The following DPY19L1 variants were observed in gnomAD, a reference collection of about 807,000 sequenced individuals.
The protein encoded by DPY19L1 is protein C-mannosyl-transferase DPY19L1.
A neutral mutation model predicts 96.9 loss-of-function variants in DPY19L1; 35 were observed. The observed-to-expected ratio is 0.36, with a 90% CI of 0.28 to 0.48. The LOEUF (loss-of-function observed/expected upper bound fraction) is 0.48, where lower values mean the gene tolerates loss of function less well. Among genes scored for constraint, DPY19L1 ranks in the 20% least tolerant of loss-of-function variants. DPY19L1 has a pLI of 0.99. For missense variants in DPY19L1, 521 were observed against 777.9 expected, an observed-to-expected ratio of 0.67 and a Z score of 3.93; for synonymous variants, 205 against 252.6, an observed-to-expected ratio of 0.81 and a Z score of 1.79.
chr7:34,965,868 A>C (rs1034733286), intron 10 of DPY19L1, among the ~76,000 whole-genome samples: 1 of 152,080 alleles, frequency 6.6e-6, no homozygotes, highest in Non-Finnish European at 1.5e-5. Context: ...AGTTTCTTTG[A>C]TATCTACTTG....
chr7:35,037,553 C>G, upstream of DPY19L1: 1 of 307,964 alleles, frequency 3.2e-6, no homozygotes, highest in South Asian at 1.6e-4. Context: ...GCGGGGAGAT[C>G]GTGGAGGCCG....
chr7:35,023,421 G>A (rs923773322), intron 1 of DPY19L1, among the ~76,000 whole-genome samples: 8 of 152,196 alleles, frequency 5.3e-5, no homozygotes, highest in African/African-American at 1.9e-4. Flanking sequence ...GTGCCTCTCT[G>A]TAACCTGCAG....
intron 17 of DPY19L1, 126 bp downstream of exon 17, chr7:34,942,489 A>C (rs1212120342): frequency 1.3e-6 from 1 of 753,658 alleles, no homozygotes; most frequent in Non-Finnish European, 2.3e-6. Context: ...ATAAAAACAC[A>C]TAACAGGCTA....
At chr7:35,031,817 C>T (rs935974147) in intron 1 of DPY19L1, among the ~76,000 whole-genome samples, 1 of 152,060 alleles carries the variant, frequency 6.6e-6, no homozygotes, top group East Asian at 1.9e-4. Context: ...TGATTATAAA[C>T]ATTCTTTAGA....
chr7:34,945,208 T>A (rs1784117984), intron 16 of DPY19L1, among the ~76,000 whole-genome samples: 2 of 152,074 alleles, frequency 1.3e-5, no homozygotes, highest in South Asian at 4.1e-4. Flanking sequence ...AACTCTCAGG[T>A]TATAAACAAA....
At chr7:34,980,940 T>C (rs1784926119) in intron 7 of DPY19L1, among the ~76,000 whole-genome samples, 1 of 152,176 alleles carries the variant, frequency 6.6e-6, no homozygotes, top group Non-Finnish European at 1.5e-5. Context: ...AAAGTATGAT[T>C]CCACTCACAT....
Position 35,012,721 on chromosome 7 carries a change from T to C in DPY19L1, c.549+847A>G, listed in dbSNP as rs991584112. Among the ~76,000 whole-genome samples, 25 of 147,904 alleles carry C rather than the reference T, an allele frequency of 1.7e-4. 1 individual carries two copies. Among genetic ancestry groups the C allele is most frequent in the Admixed American group, 1.4e-3 (21 of 14,714 alleles). ...AGACAAAAAAGATTCAAAGATATAT[T>C]TCTGTATAGAAAAAAATACATAGAC... On this transcript the variant is annotated intron_variant, in intron 4 of 21. Transcript: ENST00000638088.
chr7:34,984,999 G>A (rs903521463), intron 7 of DPY19L1, among the ~76,000 whole-genome samples: 8 of 152,050 alleles, frequency 5.3e-5, no homozygotes, highest in Non-Finnish European at 1.2e-4. Context: ...AAAAGTACCT[G>A]GGAAGAAGGG....
intron 13 of DPY19L1, among the ~76,000 whole-genome samples, chr7:34,953,569 A>AT (rs1784313018): frequency 6.6e-6 from 1 of 151,962 alleles, no homozygotes; most frequent in African/African-American, 2.4e-5. Context: ...TCTGTACGTC[A>AT]TTTTTTATCA....
At chr7:35,036,628 A>C (rs1019870737) in intron 1 of DPY19L1, among the ~76,000 whole-genome samples, 1 of 152,138 alleles carries the variant, frequency 6.6e-6, no homozygotes, top group Non-Finnish European at 1.5e-5. Context: ...AAAGTACGCT[A>C]AAATTTAATT....
intron 16 of DPY19L1, among the ~76,000 whole-genome samples, chr7:34,943,652 A>G (rs915058290): frequency 3.0e-4 from 46 of 152,310 alleles, no homozygotes; most frequent in African/African-American, 1.0e-3. Context: ...CCTCTTCCAA[A>G]AAAGAGCTCT....
chr7:34,944,150 T>A (rs1233986782), intron 16 of DPY19L1, among the ~76,000 whole-genome samples: 11 of 151,132 alleles, frequency 7.3e-5, no homozygotes, highest in Non-Finnish European at 1.5e-4. Context: ...AGATCACGAG[T>A]TCATGAGTTC....
At chr7:34,944,227 G>C (rs560930823) in intron 16 of DPY19L1, among the ~76,000 whole-genome samples, 1 of 151,942 alleles carries the variant, frequency 6.6e-6, no homozygotes, top group South Asian at 2.1e-4. Context: ...GCTGGGCGTG[G>C]TGGTGGTCGC....
At chr7:35,031,171 G>A (rs1466794159) in intron 1 of DPY19L1, among the ~76,000 whole-genome samples, 1 of 152,158 alleles carries the variant, frequency 6.6e-6, no homozygotes, top group Non-Finnish European at 1.5e-5. Context: ...CTCCATATCT[G>A]TCAGTTCCAC....
In DPY19L1 at chr7:34,936,587, G is replaced by A. The variant is rs560345149; in HGVS notation, c.2090+1407C>T. ...TCATTTCATATAATTTCCTAAGATC[G>A]TCATGAGATGCTTAGAACTTTTCTG... On this transcript the variant is annotated intron_variant, in intron 21 of 21. Coordinates refer to ENST00000638088, the MANE Select transcript of DPY19L1 (RefSeq NM_001366673.1). 1.0e-3 allele frequency among the ~76,000 whole-genome samples: 158 copies of A among 152,202 alleles called. 1 individual carries two copies. In the South Asian group the frequency reaches 0.014, roughly 13 times the overall value.
chr7:34,973,746 C>T (rs1784776812), intron 7 of DPY19L1, 141 bp from the exon 8 acceptor site: 1 of 403,630 alleles, frequency 2.5e-6, no homozygotes, highest in South Asian at 1.3e-4. Flanking sequence ...GACTTTATTC[C>T]ATAAACAGCA....
At position 35,028,192 on chromosome 7, in the gene DPY19L1, G is replaced by C. The variant is rs188524135; in HGVS notation, c.298+8905C>G. 2.2e-3 allele frequency among the ~76,000 whole-genome samples: 337 copies of C among 152,284 alleles called. 1 individual carries two copies. Among genetic ancestry groups the C allele is most frequent in the African/African-American group, 7.7e-3 (318 of 41,568 alleles). On this transcript the variant is annotated intron_variant, in intron 1 of 21. Transcript: ENST00000638088. ...CTGGGATACAGCAAGGCCTGGAGGA[G>C]AGCTGGGTTTCTCTGACTCCAAGCT...
chr7:34,982,870 T>C (rs1784969586), intron 7 of DPY19L1, among the ~76,000 whole-genome samples: 1 of 152,154 alleles, frequency 6.6e-6, no homozygotes, highest in South Asian at 2.1e-4. Context: ...ACACAGCATT[T>C]GGTTTCGGGG....
intron 1 of DPY19L1, among the ~76,000 whole-genome samples, chr7:35,020,393 T>C (rs949889512): frequency 1.3e-5 from 2 of 152,176 alleles, no homozygotes; most frequent in African/African-American, 4.8e-5. Context: ...GGTGTGGGTA[T>C]ATACATATGT....
Sources: gnomAD v4.1 joint callset for allele counts (sites outside exome capture counted in the v4.1 genomes callset) on GRCh38, gnomAD v4.1.1 for gene constraint, MANE v1.5 for transcripts, NCBI Gene and HGNC (gene_info 2026-07-23, HGNC 2026-07-21) for gene names.